GALNT13: variants seen among roughly 807,000 people sequenced by gnomAD.
GALNT13 encodes polypeptide N-acetylgalactosaminyltransferase 13, also known as UDP-GalNAc:polypeptide N-acetylgalactosaminyltransferase 13.
In GALNT13, 28 loss-of-function variants were observed where a neutral mutation model predicts 64.2. The observed-to-expected ratio is 0.44, with a 90% confidence interval of 0.32 to 0.60. The LOEUF (loss-of-function observed/expected upper bound fraction) is 0.60. Among genes scored for constraint, GALNT13 ranks in the 20% least tolerant of loss-of-function variants. GALNT13 has a pLI of 0.05. For synonymous variants in GALNT13, 214 were observed against 224.6 expected (o/e 0.95, Z 0.42); for missense variants, 577 against 669.8 (o/e 0.86, Z 1.53).
upstream of GALNT13, among the ~76,000 whole-genome samples, chr2:153,870,551 C>A (rs1685855566): frequency 6.6e-6 from 1 of 151,818 alleles, no homozygotes; most frequent in Non-Finnish European, 1.5e-5. Context: ...TGTACTCACA[C>A]ATGCACAGAA....
the GALNT13 span, among the ~76,000 whole-genome samples, chr2:153,669,360 A>G: frequency 6.6e-6 from 1 of 152,304 alleles, no homozygotes; most frequent in South Asian, 2.1e-4. Context: ...TTGCCAGTGT[A>G]AGTACACTTC....
chr2:153,569,371 C>G, the GALNT13 span, among the ~76,000 whole-genome samples: 3 of 151,806 alleles, frequency 2.0e-5, no homozygotes, highest in Non-Finnish European at 4.4e-5. Flanking sequence ...TAAAAATTAT[C>G]TGCTCAGGCC....
chr2:153,317,027 T>G, the GALNT13 span, among the ~76,000 whole-genome samples: 2 of 152,188 alleles, frequency 1.3e-5, no homozygotes, highest in Non-Finnish European at 2.9e-5. Flanking sequence ...TAGGTACAAA[T>G]AAATGTCAAC....
At chr2:153,563,573 C>T in the GALNT13 span, among the ~76,000 whole-genome samples, 1 of 152,020 alleles carries the variant, frequency 6.6e-6, no homozygotes, top group Non-Finnish European at 1.5e-5. Flanking sequence ...CGAGAGCTTC[C>T]TGTTTTGTTG....
chr2:153,679,426 T>A, the GALNT13 span, among the ~76,000 whole-genome samples: 34 of 152,114 alleles, frequency 2.2e-4, 1 homozygote, highest in South Asian at 2.7e-3. Flanking sequence ...CACTACATCA[T>A]GGCAAATGTC....
intron 4 of GALNT13, among the ~76,000 whole-genome samples, chr2:154,191,545 T>G (rs1442583220): frequency 6.6e-6 from 1 of 152,170 alleles, no homozygotes; most frequent in Non-Finnish European, 1.5e-5. Context: ...TCAACCTGAG[T>G]AATCCACTCC....
At chr2:154,373,178 A>T (rs181593296) in intron 9 of GALNT13, among the ~76,000 whole-genome samples, 1 of 152,214 alleles carries the variant, frequency 6.6e-6, no homozygotes, top group Admixed American at 6.5e-5. Flanking sequence ...AACCTTCAAC[A>T]CTTATTTATT....
At chr2:153,929,280 G>T (rs1202907216) in intron 2 of GALNT13, among the ~76,000 whole-genome samples, 1 of 152,146 alleles carries the variant, frequency 6.6e-6, no homozygotes, top group Non-Finnish European at 1.5e-5. Context: ...CAGGTTGTTA[G>T]ACATGTGCTA....
chr2:154,406,607 G>T (rs903010273), intron 10 of GALNT13, among the ~76,000 whole-genome samples: 1 of 152,186 alleles, frequency 6.6e-6, no homozygotes, highest in Middle Eastern at 3.4e-3. Flanking sequence ...GTCTTTTCAA[G>T]TGTCTTTATT....
chr2:153,556,649 G>A, the GALNT13 span, among the ~76,000 whole-genome samples: 3 of 152,168 alleles, frequency 2.0e-5, no homozygotes, highest in Admixed American at 6.5e-5. Context: ...AAGCCAGCAG[G>A]TAATACAAGT....
the GALNT13 span, among the ~76,000 whole-genome samples, chr2:153,170,282 A>C: frequency 6.6e-6 from 1 of 152,196 alleles, no homozygotes; most frequent in Admixed American, 6.5e-5. Flanking sequence ...ATAATAATAT[A>C]TCAGAGAAAG....
chr2:153,561,654 T>G, the GALNT13 span, among the ~76,000 whole-genome samples: 2 of 151,786 alleles, frequency 1.3e-5, no homozygotes, highest in Non-Finnish European at 2.9e-5. Context: ...TGTGTGTGTG[T>G]GTGTGTGTGT....
chr2:153,430,874 A>G, the GALNT13 span, among the ~76,000 whole-genome samples: 2 of 152,104 alleles, frequency 1.3e-5, no homozygotes, highest in Non-Finnish European at 2.9e-5. Context: ...TGACGTAGCC[A>G]GGCATGGTGG....
At chr2:153,518,015 G>A in the GALNT13 span, among the ~76,000 whole-genome samples, 19 of 152,132 alleles carry the variant, frequency 1.2e-4, no homozygotes, top group East Asian at 1.7e-3. Context: ...AAAATGATTC[G>A]TGCCAGAAAT....
At chr2:154,235,035 T>C (rs1424323561) in intron 4 of GALNT13, among the ~76,000 whole-genome samples, 2 of 152,128 alleles carry the variant, frequency 1.3e-5, no homozygotes, top group African/African-American at 2.4e-5. Flanking sequence ...TCCTATTTTG[T>C]CCAGCACCGC....
chr2:153,293,039 G>A, the GALNT13 span, among the ~76,000 whole-genome samples: 1 of 151,826 alleles, frequency 6.6e-6, no homozygotes, highest in Non-Finnish European at 1.5e-5. Flanking sequence ...CTCTCTTCCA[G>A]GTGCTTGATA....
At chr2:154,080,101 A>G (rs1163072349) in intron 3 of GALNT13, among the ~76,000 whole-genome samples, 1 of 151,662 alleles carries the variant, frequency 6.6e-6, no homozygotes, top group Non-Finnish European at 1.5e-5. Context: ...TTGTTAATAG[A>G]GTTGAAGATA....
the GALNT13 span, among the ~76,000 whole-genome samples, chr2:153,720,884 T>G: frequency 1.7e-4 from 26 of 151,368 alleles, no homozygotes; most frequent in African/African-American, 5.1e-4. Context: ...TGGAAAACAC[T>G]CTGCAGGATA....
the GALNT13 span, among the ~76,000 whole-genome samples, chr2:153,181,336 C>G: frequency 6.7e-6 from 1 of 148,972 alleles, no homozygotes; most frequent in African/African-American, 2.4e-5. Flanking sequence ...TTATTAATTT[C>G]TAGTTTCATA....
Sources: allele counts gnomAD v4.1 joint callset (sites outside exome capture counted in the v4.1 genomes callset), GRCh38; gene constraint gnomAD v4.1.1; transcripts MANE v1.5; gene names NCBI Gene and HGNC (gene_info 2026-07-23, HGNC 2026-07-21).